THSD4: variants seen among roughly 807,000 people sequenced by gnomAD.
The protein encoded by THSD4 is thrombospondin type-1 domain-containing protein 4.
Under a neutral mutation model 119.0 loss-of-function variants are expected in THSD4, and 69 were observed. The observed-to-expected ratio is 0.58, with a 90% CI of 0.48 to 0.71. The LOEUF (loss-of-function observed/expected upper bound fraction) is 0.71, where lower values mean the gene tolerates loss of function less well. Among genes scored for constraint, THSD4 ranks in the 30% least tolerant of loss-of-function variants. The probability of loss-of-function intolerance (pLI) is 0.00; values close to 1 mark genes in which losing one functional copy is unlikely to be tolerated. For synonymous variants in THSD4, 524 were observed against 540.4 expected, an observed-to-expected ratio of 0.97 and a Z score of 0.42; for missense variants, 1,393 against 1,391.1, an observed-to-expected ratio of 1.00 and a Z score of -0.02.
intron 7 of THSD4, among the ~76,000 whole-genome samples, chr15:71,633,630 A>G (rs1232858493): frequency 6.6e-6 from 1 of 152,202 alleles, no homozygotes; most frequent in Non-Finnish European, 1.5e-5. Flanking sequence ...CATACAGCTC[A>G]AATGGATATT....
intron 6 of THSD4, among the ~76,000 whole-genome samples, chr15:71,381,464 T>G (rs145862728): frequency 1.2e-3 from 180 of 152,322 alleles, no homozygotes; most frequent in Non-Finnish European, 1.9e-3. Flanking sequence ...GCTAGCAGTT[T>G]TATAAAGACA....
intron 16 of THSD4, among the ~76,000 whole-genome samples, chr15:71,768,560 AT>A (rs964263863): frequency 0.022 from 2,168 of 99,220 alleles, 32 homozygotes; most frequent in Admixed American, 0.052. Flanking sequence ...GCAGATCCTG[AT>A]TTTTTTTTTT....
intron 6 of THSD4, among the ~76,000 whole-genome samples, chr15:71,376,256 T>A (rs1179421552): frequency 1.6e-5 from 1 of 61,956 alleles, no homozygotes; most frequent in Non-Finnish European, 3.6e-5. Flanking sequence ...ATGAAGGCAG[T>A]GCTCAGGTCT....
chr15:71,382,116 C>T (rs2046236572), intron 6 of THSD4, among the ~76,000 whole-genome samples: 1 of 152,048 alleles, frequency 6.6e-6, no homozygotes, highest in African/African-American at 2.4e-5. Context: ...AGGACAAATA[C>T]AGAAGTTTAC....
At chr15:71,308,998 G>A (rs985542685) in intron 6 of THSD4, among the ~76,000 whole-genome samples, 1 of 152,200 alleles carries the variant, frequency 6.6e-6, no homozygotes, top group Non-Finnish European at 1.5e-5. Context: ...TGCCCAGGCT[G>A]CAGTGCAGTG....
intron 7 of THSD4, among the ~76,000 whole-genome samples, chr15:71,483,870 A>T (rs987498238): frequency 1.3e-5 from 2 of 150,826 alleles, no homozygotes; most frequent in Admixed American, 6.7e-5. Context: ...TTCCTGCATT[A>T]GTTTGCTGAA....
intron 7 of THSD4, among the ~76,000 whole-genome samples, chr15:71,634,843 G>C (rs2050708828): frequency 6.6e-6 from 1 of 152,202 alleles, no homozygotes; most frequent in Non-Finnish European, 1.5e-5. Flanking sequence ...TATTAGAGTT[G>C]CATCGTGCCA....
Position 71,416,663 on chromosome 15 carries a change from C to A in THSD4, c.1152+4840C>A, listed in dbSNP as rs11635325. On this transcript the variant is annotated intron_variant, in intron 7 of 17. Coordinates refer to ENST00000261862, the MANE Select transcript of THSD4 (RefSeq NM_024817.3). ...TCTTTTAAGAAATGTTTATTGAAATCGCTTGCCCATTTTATTTATTTTATT... is the reference window on the plus strand; with the variant it reads ...TCTTTTAAGAAATGTTTATTGAAATAGCTTGCCCATTTTATTTATTTTATT... 3.8e-5 allele frequency among the ~76,000 whole-genome samples: 4 copies of A among 105,654 alleles called. 1 individual carries two copies. The Admixed American group carries it at 4.9e-4, about 13-fold the overall frequency. The allele number at this position is 105,654 out of a possible 152,430, so 69.3% of individuals were successfully genotyped here.
intron 6 of THSD4, among the ~76,000 whole-genome samples, chr15:71,310,391 CAT>C (rs574338694): frequency 1.2e-4 from 19 of 152,260 alleles, no homozygotes; most frequent in East Asian, 7.7e-4. Flanking sequence ...ATTGGAGAAA[CAT>C]GTGTACATAG....
At chr15:71,541,022 C>T (rs1355160475) in intron 7 of THSD4, among the ~76,000 whole-genome samples, 1 of 152,172 alleles carries the variant, frequency 6.6e-6, no homozygotes, top group African/African-American at 2.4e-5. Flanking sequence ...TGCGCCCAGC[C>T]TCATTTTATT....
intron 8 of THSD4, among the ~76,000 whole-genome samples, chr15:71,702,643 A>G (rs1277542761): frequency 6.6e-6 from 1 of 152,220 alleles, no homozygotes; most frequent in Non-Finnish European, 1.5e-5. Flanking sequence ...GACAAAAGTC[A>G]TCAACTGGGC....
chr15:71,762,079 C>A (rs1332924099), intron 15 of THSD4, among the ~76,000 whole-genome samples: 1 of 152,048 alleles, frequency 6.6e-6, no homozygotes, highest in African/African-American at 2.4e-5. Context: ...TCAAAGATTC[C>A]CCATAATTTC....
At chr15:71,375,515 G>A (rs937395709) in intron 6 of THSD4, among the ~76,000 whole-genome samples, 1 of 152,090 alleles carries the variant, frequency 6.6e-6, no homozygotes, top group Admixed American at 6.5e-5. Context: ...GTCTTTTTTG[G>A]GAGCAGGGAC....
chr15:71,309,894 C>T (rs1328352346), intron 6 of THSD4, among the ~76,000 whole-genome samples: 4 of 152,156 alleles, frequency 2.6e-5, no homozygotes, highest in Admixed American at 2.6e-4. Flanking sequence ...TGAAACAGCC[C>T]CAGTGCTGAC....
intron 7 of THSD4, among the ~76,000 whole-genome samples, chr15:71,560,875 G>A (rs56376855): frequency 0.35 from 53,832 of 151,836 alleles, 10,748 homozygotes; most frequent in South Asian, 0.48. Flanking sequence ...GTGGGAGAAA[G>A]TCCATGAGCT....
chr15:71,449,525 G>T (rs73441532), intron 7 of THSD4, among the ~76,000 whole-genome samples: 38,101 of 152,030 alleles, frequency 0.25, 5,147 homozygotes, highest in Middle Eastern at 0.34. Context: ...TTGTGAAGAT[G>T]GAGATAATTC....
chr15:71,429,266 G>A lies in THSD4; in HGVS notation c.1152+17443G>A, dbSNP rs557766098. Among the ~76,000 whole-genome samples, 5 of 152,340 alleles carry A rather than the reference G, an allele frequency of 3.3e-5. No individual in the cohort carries two copies. In the South Asian group the frequency reaches 8.3e-4, roughly 25 times the overall value. On this transcript the variant is annotated intron_variant, in intron 7 of 17. Transcript: ENST00000261862. Reference sequence around the variant, plus strand: ...TAGAGGAAAGAGATGGGAATATGTGGCAATTTGAGGATAGTAAACGATTGT... The same window carrying A: ...TAGAGGAAAGAGATGGGAATATGTGACAATTTGAGGATAGTAAACGATTGT...
intron 7 of THSD4, among the ~76,000 whole-genome samples, chr15:71,658,588 G>T (rs1318156703): frequency 6.6e-6 from 1 of 152,178 alleles, no homozygotes. Context: ...CCTGTTGATG[G>T]TGACATTTTT....
chr15:71,403,823 G>T (rs1178423963), intron 6 of THSD4, among the ~76,000 whole-genome samples: 1 of 128,660 alleles, frequency 7.8e-6, no homozygotes, highest in Non-Finnish European at 1.7e-5. Context: ...GGGACTTGGG[G>T]GCAAGGGAAA....
Sources: allele counts gnomAD v4.1 joint callset (sites outside exome capture counted in the v4.1 genomes callset), GRCh38; gene constraint gnomAD v4.1.1; transcripts MANE v1.5; gene names NCBI Gene and HGNC (gene_info 2026-07-23, HGNC 2026-07-21).